NKAIN2: variants seen among roughly 807,000 people sequenced by gnomAD.
The protein encoded by NKAIN2 is sodium/potassium transporting ATPase interacting 2.
Under a neutral mutation model 32.6 loss-of-function variants are expected in NKAIN2, and 14 were observed. That is an observed-to-expected ratio of 0.43 (90% CI 0.28 to 0.67). NKAIN2 has a LOEUF of 0.67. Ranked by LOEUF, NKAIN2 falls within the 30% of genes least tolerant of loss-of-function variation. The pLI is 0.17. For synonymous variants in NKAIN2, 80 were observed against 87.2 expected, an observed-to-expected ratio of 0.92 and a Z score of 0.46; for missense variants, 198 against 258.3, an observed-to-expected ratio of 0.77 and a Z score of 1.60.
At chr6:124,370,664 T>C (rs1799722360) in intron 3 of NKAIN2, among the ~76,000 whole-genome samples, 1 of 152,060 alleles carries the variant, frequency 6.6e-6, no homozygotes, top group Non-Finnish European at 1.5e-5. Context: ...CTCTGTTTCT[T>C]TTCCACTCTG....
intron 1 of NKAIN2, among the ~76,000 whole-genome samples, chr6:124,106,659 T>C (rs773769044): frequency 6.6e-6 from 1 of 152,202 alleles, no homozygotes; most frequent in Admixed American, 6.5e-5. Flanking sequence ...TCTGGTGATG[T>C]GCTTTATGAC....
intron 2 of NKAIN2, among the ~76,000 whole-genome samples, chr6:124,339,530 G>A (rs1170351510): frequency 6.6e-6 from 1 of 152,084 alleles, no homozygotes; most frequent in African/African-American, 2.4e-5. Flanking sequence ...CATTAGTCCA[G>A]TCTTTAAGTC....
chr6:124,811,413 G>T (rs1037642817), intron 5 of NKAIN2, among the ~76,000 whole-genome samples: 5 of 152,074 alleles, frequency 3.3e-5, no homozygotes, highest in African/African-American at 1.2e-4. Flanking sequence ...TTTTAAGTTT[G>T]CTGAACTCAG....
At position 124,327,069 on chromosome 6, in the gene NKAIN2, T is replaced by A. The variant is rs1348506468; in HGVS notation, c.193-28198T>A. 3.3e-5 allele frequency among the ~76,000 whole-genome samples: 5 copies of A among 152,078 alleles called. No individual in the cohort carries two copies. The East Asian group carries it at 9.6e-4, about 29-fold the overall frequency. ...CATGAGGTTCCTCAGACTATTTTTT[T>A]TTTTCATTTTCTGTCACTTTCATTG... On this transcript the variant is annotated intron_variant, in intron 2 of 6. Transcript: ENST00000368417.
rs1222529934 is a variant in NKAIN2, at chr6:124,730,167, T to G, written c.475-61172T>G. ...ATTTACAGATTCAATGCCATCCCCA[T>G]CAAGCTACCAATGCCTTTTTTCACA... On this transcript the variant is annotated intron_variant, in intron 4 of 6. Coordinates refer to ENST00000368417, the MANE Select transcript of NKAIN2 (RefSeq NM_001040214.3). Among the ~76,000 whole-genome samples, 2 of 91,254 alleles carry G rather than the reference T, an allele frequency of 2.2e-5. 1 individual carries two copies. Among genetic ancestry groups the G allele is most frequent in the African/African-American group, 8.6e-5 (2 of 23,170 alleles). The allele number at this position is 91,254 out of a possible 152,430, so 59.9% of individuals were successfully genotyped here.
At chr6:124,032,119 C>A (rs1433639237) in intron 1 of NKAIN2, among the ~76,000 whole-genome samples, 1 of 151,828 alleles carries the variant, frequency 6.6e-6, no homozygotes, top group Non-Finnish European at 1.5e-5. Context: ...TGTAGGGACA[C>A]AGATGAAGCT....
intron 3 of NKAIN2, among the ~76,000 whole-genome samples, chr6:124,541,650 A>G (rs1779916973): frequency 6.6e-6 from 1 of 152,178 alleles, no homozygotes; most frequent in African/African-American, 2.4e-5. Context: ...TCAATTAGGG[A>G]AAGATTAGGT....
intron 1 of NKAIN2, among the ~76,000 whole-genome samples, chr6:123,808,592 G>T (rs559234926): frequency 6.6e-6 from 1 of 152,232 alleles, no homozygotes; most frequent in Admixed American, 6.5e-5. Context: ...CACAAAGCAG[G>T]TAGCGACTTA....
intron 3 of NKAIN2, among the ~76,000 whole-genome samples, chr6:124,429,481 C>T (rs1386657642): frequency 6.6e-6 from 1 of 152,164 alleles, no homozygotes; most frequent in Non-Finnish European, 1.5e-5. Context: ...TTTGTGCATA[C>T]TTCTGTTGTG....
At chr6:123,839,950 A>T (rs1371477095) in intron 1 of NKAIN2, among the ~76,000 whole-genome samples, 1 of 152,180 alleles carries the variant, frequency 6.6e-6, no homozygotes, top group Non-Finnish European at 1.5e-5. Context: ...TGGATCATTA[A>T]AAAACTTTCC....
At chr6:124,512,697 C>T (rs1175963201) in intron 3 of NKAIN2, among the ~76,000 whole-genome samples, 1 of 152,082 alleles carries the variant, frequency 6.6e-6, no homozygotes, top group Non-Finnish European at 1.5e-5. Context: ...ACCACCTGTA[C>T]CCAGACCTCT....
At chr6:124,074,879 CCCCCATTTCCCCATGA>C (rs1783621758) in intron 1 of NKAIN2, among the ~76,000 whole-genome samples, 1 of 150,748 alleles carries the variant, frequency 6.6e-6, no homozygotes, top group Non-Finnish European at 1.5e-5. Flanking sequence ...TTAGCATTTT[CCCCCATTTCCCCATGA>C]AATCTGAGTT....
chr6:124,348,314 G>T (rs940121024), intron 2 of NKAIN2, among the ~76,000 whole-genome samples: 1 of 152,160 alleles, frequency 6.6e-6, no homozygotes, highest in Non-Finnish European at 1.5e-5. Context: ...CAGTCTGCCC[G>T]TTCTCAGATC....
intron 1 of NKAIN2, among the ~76,000 whole-genome samples, chr6:124,194,812 T>C (rs1790234857): frequency 6.6e-6 from 1 of 152,126 alleles, no homozygotes; most frequent in African/African-American, 2.4e-5. Context: ...TTTCAAATTT[T>C]TGGTAAGCTG....
chr6:124,157,853 G>T (rs802268), intron 1 of NKAIN2, among the ~76,000 whole-genome samples: 121,267 of 152,068 alleles, frequency 0.8, 49,511 homozygotes, highest in South Asian at 0.9. Context: ...AGTTACTATT[G>T]TATGTTAATG....
At chr6:124,262,510 A>T (rs1018937669) in intron 1 of NKAIN2, among the ~76,000 whole-genome samples, 8 of 152,200 alleles carry the variant, frequency 5.3e-5, no homozygotes, top group Non-Finnish European at 1.0e-4. Flanking sequence ...TGCACACCAG[A>T]TATTGAAAGC....
intron 3 of NKAIN2, among the ~76,000 whole-genome samples, chr6:124,364,414 A>G (rs1799430460): frequency 6.6e-6 from 1 of 152,028 alleles, no homozygotes; most frequent in South Asian, 2.1e-4. Flanking sequence ...CACAGATTCA[A>G]GAATACTTTC....
chr6:124,020,435 C>A (rs937401553), intron 1 of NKAIN2, among the ~76,000 whole-genome samples: 5 of 152,060 alleles, frequency 3.3e-5, no homozygotes, highest in African/African-American at 1.2e-4. Context: ...TCTGTTCTAA[C>A]TTCTGTGTTT....
rs1474792340 is a variant in NKAIN2 at position 123,803,872 on chromosome 6, C to T, written c.-329C>T. 6.8e-6 allele frequency among the ~76,000 whole-genome samples: 1 copy of T among 147,648 alleles called. No individual in the cohort carries two copies. The highest frequency in any genetic ancestry group is 1.5e-5 in the Non-Finnish European group (1 of 66,314). ...GGCGAAACTTCGCGGGCCAGATGCC[C>T]GAGGGCGCGGCGGCGCTGCCAGGCT... On this transcript the variant is annotated 5_prime_UTR_variant, in exon 1 of 7. Coordinates refer to ENST00000368417, the MANE Select transcript of NKAIN2 (RefSeq NM_001040214.3).
Sources: gnomAD v4.1 joint callset for allele counts (sites outside exome capture counted in the v4.1 genomes callset) on GRCh38, gnomAD v4.1.1 for gene constraint, MANE v1.5 for transcripts, NCBI Gene and HGNC (gene_info 2026-07-23, HGNC 2026-07-21) for gene names.